Variants in PHF24 observed in about 807,000 individuals in gnomAD.
PHF24 encodes Galpha inhibitory interacting protein.
A neutral mutation model predicts 42.6 loss-of-function variants in PHF24; 25 were observed. The ratio of observed to expected loss-of-function variants is 0.59; its 90% CI spans 0.43 to 0.82. PHF24 has a LOEUF of 0.82. Ranked by LOEUF, PHF24 falls within the 40% of genes least tolerant of loss-of-function variation. The pLI is 0.00. For synonymous variants in PHF24, 185 were observed against 204.8 expected, an observed-to-expected ratio of 0.90 and a Z score of 0.83; for missense variants, 470 against 538.1, an observed-to-expected ratio of 0.87 and a Z score of 1.25.
chr9:34,893,338 T>C, the PHF24 span, among the ~76,000 whole-genome samples: 30,765 of 152,118 alleles, frequency 0.2, 3,440 homozygotes, highest in East Asian at 0.48. Flanking sequence ...TAGTGGCTCA[T>C]GCCTCTAATC....
chr9:34,736,071 C>T, the PHF24 span, among the ~76,000 whole-genome samples: 1 of 151,572 alleles, frequency 6.6e-6, no homozygotes, highest in Non-Finnish European at 1.5e-5. Context: ...TAGTTTTTTT[C>T]CTCCACAGTG....
chr9:34,975,397 A>G (rs529596783), intron 3 of PHF24, among the ~76,000 whole-genome samples: 9 of 152,340 alleles, frequency 5.9e-5, no homozygotes, highest in Admixed American at 3.9e-4. Context: ...GAAGAAAAAG[A>G]ATGGTTTGAG....
the PHF24 span, among the ~76,000 whole-genome samples, chr9:34,783,198 T>C: frequency 6.6e-6 from 1 of 152,162 alleles, no homozygotes; most frequent in Non-Finnish European, 1.5e-5. Flanking sequence ...TATACTTGGC[T>C]GATGCTTCAA....
chr9:34,718,664 T>A, the PHF24 span, among the ~76,000 whole-genome samples: 54 of 152,210 alleles, frequency 3.5e-4, no homozygotes, highest in African/African-American at 1.2e-3. Flanking sequence ...TCCCACATGG[T>A]GCAGGAAGCA....
chr9:34,801,136 G>A, the PHF24 span, among the ~76,000 whole-genome samples: 3 of 152,284 alleles, frequency 2.0e-5, no homozygotes, highest in African/African-American at 4.8e-5. Flanking sequence ...CAGTTAGAAC[G>A]CCGATCATTA....
the PHF24 span, among the ~76,000 whole-genome samples, chr9:34,692,076 G>A: frequency 6.6e-6 from 1 of 152,116 alleles, no homozygotes; most frequent in Non-Finnish European, 1.5e-5. Context: ...GAGGGGACAA[G>A]TGACTTCCCA....
At chr9:34,972,280 T>C (rs1827019612) in intron 2 of PHF24, 66 bp from the exon 3 acceptor site, 2 of 1,433,440 alleles carry the variant, frequency 1.4e-6, no homozygotes, top group Non-Finnish European at 1.9e-6. Flanking sequence ...GCTCTGTGCT[T>C]AGTGGCCTTG....
At chr9:34,770,925 CCAA>C in the PHF24 span, among the ~76,000 whole-genome samples, 2 of 152,038 alleles carry the variant, frequency 1.3e-5, no homozygotes, top group South Asian at 4.2e-4. Flanking sequence ...ACTGGCCTGA[CCAA>C]CATGGTGAAA....
At chr9:34,890,490 G>A in the PHF24 span, among the ~76,000 whole-genome samples, 1 of 152,226 alleles carries the variant, frequency 6.6e-6, no homozygotes, top group Non-Finnish European at 1.5e-5. Context: ...CAGAATCCCA[G>A]TGGGCATGGG....
the PHF24 span, among the ~76,000 whole-genome samples, chr9:34,856,073 A>G: frequency 1.3e-5 from 2 of 152,008 alleles, no homozygotes; most frequent in Non-Finnish European, 2.9e-5. Context: ...TGCTGTTGAT[A>G]TTTGTGATTG....
At chr9:34,827,018 A>T in the PHF24 span, among the ~76,000 whole-genome samples, 1 of 151,966 alleles carries the variant, frequency 6.6e-6, no homozygotes, top group Non-Finnish European at 1.5e-5. Context: ...TTTGCCAAGA[A>T]CTCAGAATCC....
At chr9:34,716,509 G>A in the PHF24 span, among the ~76,000 whole-genome samples, 5 of 152,126 alleles carry the variant, frequency 3.3e-5, no homozygotes, top group Non-Finnish European at 5.9e-5. Context: ...GATAAATTTT[G>A]TGTTGGAGGT....
At chr9:34,802,756 T>C in the PHF24 span, among the ~76,000 whole-genome samples, 249 of 152,330 alleles carry the variant, frequency 1.6e-3, 2 homozygotes, top group African/African-American at 5.6e-3. Context: ...CTTTCCATTG[T>C]AGTATCTTAA....
At chr9:34,875,557 C>T in the PHF24 span, among the ~76,000 whole-genome samples, 113,579 of 151,992 alleles carry the variant, frequency 0.75, 42,701 homozygotes, top group East Asian at 0.87. Flanking sequence ...TAAAAATATA[C>T]GGCAGGATCA....
At chr9:34,850,691 C>G in the PHF24 span, among the ~76,000 whole-genome samples, 50 of 152,274 alleles carry the variant, frequency 3.3e-4, no homozygotes, top group Admixed American at 9.8e-4. Flanking sequence ...TTTAGAGTTT[C>G]CAGTTTTTCT....
At chr9:34,723,099 G>T in the PHF24 span, 1 of 1,096,742 alleles carries the variant, frequency 9.1e-7, no homozygotes, top group Non-Finnish European at 1.3e-6. Context: ...TGTCCCACCT[G>T]CACATTTATG....
At chr9:34,959,716 T>G (rs1826523403) in intron 1 of PHF24, among the ~76,000 whole-genome samples, 1 of 152,122 alleles carries the variant, frequency 6.6e-6, no homozygotes, top group Non-Finnish European at 1.5e-5. Context: ...CATGATGCCT[T>G]GGGGTGGCTC....
At chr9:34,969,407 C>T (rs1352898980) in intron 1 of PHF24, among the ~76,000 whole-genome samples, 2 of 151,960 alleles carry the variant, frequency 1.3e-5, no homozygotes, top group East Asian at 1.9e-4. Flanking sequence ...TTTAGGAGGC[C>T]GAGGTGGGCG....
the PHF24 span, among the ~76,000 whole-genome samples, chr9:34,801,135 C>T: frequency 2.3e-3 from 357 of 152,190 alleles, 2 homozygotes; most frequent in African/African-American, 7.4e-3. Context: ...CCAGTTAGAA[C>T]GCCGATCATT....
Sources: allele counts gnomAD v4.1 joint callset (sites outside exome capture counted in the v4.1 genomes callset), GRCh38; gene constraint gnomAD v4.1.1; transcripts MANE v1.5; gene names NCBI Gene and HGNC (gene_info 2026-07-23, HGNC 2026-07-21).